CADM1: variants seen among roughly 807,000 people sequenced by gnomAD.
CADM1 encodes TSLC-1.
Under a neutral mutation model 53.1 loss-of-function variants are expected in CADM1, and 15 were observed. The ratio of observed to expected loss-of-function variants is 0.28; its 90% CI spans 0.19 to 0.44. The LOEUF is 0.44. Among genes scored for constraint, CADM1 ranks in the 20% least tolerant of loss-of-function variants. The pLI is 1.00. For synonymous variants in CADM1, 281 were observed against 243.0 expected (o/e 1.16, Z -1.45); for missense variants, 434 against 611.3 (o/e 0.71, Z 3.06).
At chr11:115,419,496 T>A (rs1407940791) in intron 1 of CADM1, among the ~76,000 whole-genome samples, 1 of 152,230 alleles carries the variant, frequency 6.6e-6, no homozygotes, top group Non-Finnish European at 1.5e-5. Context: ...TTTGAGTCTT[T>A]AAGTTCAAAC....
chr11:115,465,329 T>C (rs759718818), intron 1 of CADM1, among the ~76,000 whole-genome samples: 10 of 152,124 alleles, frequency 6.6e-5, no homozygotes, highest in Non-Finnish European at 1.3e-4. Flanking sequence ...ATATCCTAGA[T>C]CCAAAAAGCT....
intron 1 of CADM1, among the ~76,000 whole-genome samples, chr11:115,430,334 A>G (rs1429192798): frequency 6.6e-6 from 1 of 152,198 alleles, no homozygotes; most frequent in Admixed American, 6.5e-5. Flanking sequence ...ATCTTTATTT[A>G]TTTAAGATTT....
At chr11:115,323,456 G>C (rs1420122408) in intron 1 of CADM1, among the ~76,000 whole-genome samples, 3 of 152,088 alleles carry the variant, frequency 2.0e-5, no homozygotes, top group African/African-American at 7.2e-5. Context: ...GTGGGGTGCA[G>C]GGAAAGTAGA....
At chr11:115,211,430 C>T (rs1428472014) in intron 7 of CADM1, among the ~76,000 whole-genome samples, 1 of 145,356 alleles carries the variant, frequency 6.9e-6, no homozygotes, top group Non-Finnish European at 1.5e-5. Context: ...TGAAAAGGAA[C>T]ATTTGTTCCT....
intron 1 of CADM1, among the ~76,000 whole-genome samples, chr11:115,367,843 A>G (rs559253380): frequency 1.3e-5 from 2 of 152,134 alleles, no homozygotes; most frequent in African/African-American, 4.8e-5. Flanking sequence ...TGAATCCTGA[A>G]TATAAGATGA....
In CADM1 at chr11:115,244,933, C is replaced by T. The variant is rs1057448113; in HGVS notation, c.125-4513G>A. On this transcript the variant is annotated intron_variant, in intron 1 of 11. Coordinates refer to ENST00000331581, the MANE Select transcript of CADM1 (RefSeq NM_001301043.2). ...GAAAGCCTTTATTACCAGTGCATGG[C>T]GGCCTTTTGCCAGCACCACAAGCTC... 5.3e-5 allele frequency among the ~76,000 whole-genome samples: 8 copies of T among 152,192 alleles called. No homozygotes were observed. In the East Asian group the frequency reaches 5.8e-4, roughly 11 times the overall value.
chr11:115,279,278 G>GTAT (rs1943525152), intron 1 of CADM1, among the ~76,000 whole-genome samples: 1 of 152,050 alleles, frequency 6.6e-6, no homozygotes, highest in South Asian at 2.1e-4. Context: ...GGATTTGGGG[G>GTAT]TATAGTCAAT....
chr11:115,413,154 T>A (rs1344287494), intron 1 of CADM1, among the ~76,000 whole-genome samples: 1 of 152,216 alleles, frequency 6.6e-6, no homozygotes, highest in African/African-American at 2.4e-5. Flanking sequence ...AGAGAGGGTG[T>A]GCATAAGAAG....
intron 3 of CADM1, among the ~76,000 whole-genome samples, chr11:115,237,880 G>A (rs1217396636): frequency 1.6e-4 from 24 of 152,182 alleles, no homozygotes. Context: ...CTCACTGGAG[G>A]TGTACCTAGC....
chr11:115,439,048 G>C (rs1480766179), intron 1 of CADM1, among the ~76,000 whole-genome samples: 1 of 152,130 alleles, frequency 6.6e-6, no homozygotes, highest in African/African-American at 2.4e-5. Context: ...GGGTGCACTG[G>C]GTCTTCTACC....
chr11:115,465,070 G>A (rs1948870298), intron 1 of CADM1, among the ~76,000 whole-genome samples: 1 of 152,130 alleles, frequency 6.6e-6, no homozygotes, highest in Non-Finnish European at 1.5e-5. Context: ...ATGCTAATGA[G>A]GAAGCTGAAA....
intron 1 of CADM1, among the ~76,000 whole-genome samples, chr11:115,314,096 A>C (rs1944596604): frequency 6.6e-6 from 1 of 152,134 alleles, no homozygotes; most frequent in Non-Finnish European, 1.5e-5. Context: ...ATGCATCTTC[A>C]AGGTCAACAA....
At chr11:115,383,708 A>C (rs1448441816) in intron 1 of CADM1, among the ~76,000 whole-genome samples, 1 of 152,186 alleles carries the variant, frequency 6.6e-6, no homozygotes, top group Non-Finnish European at 1.5e-5. Context: ...AAAAGTTTAT[A>C]AAAATTGGGT....
intron 1 of CADM1, among the ~76,000 whole-genome samples, chr11:115,340,640 ATATATATATATATATATAT>A (rs1411089120): frequency 3.4e-5 from 1 of 29,808 alleles, no homozygotes; most frequent in African/African-American, 1.2e-4. Context: ...ATATATATAT[ATATATATATATATATATAT>A]TTTTTTTTTT....
At chr11:115,365,001 G>A (rs765009308) in intron 1 of CADM1, among the ~76,000 whole-genome samples, 5 of 152,166 alleles carry the variant, frequency 3.3e-5, no homozygotes, top group South Asian at 2.1e-4. Flanking sequence ...ATGGAAAAAC[G>A]TGACAGGCTT....
At chr11:115,433,549 A>T (rs1293787995) in intron 1 of CADM1, among the ~76,000 whole-genome samples, 1 of 152,224 alleles carries the variant, frequency 6.6e-6, no homozygotes, top group African/African-American at 2.4e-5. Context: ...GCTGGATGAA[A>T]AGGAGCCCAA....
intron 1 of CADM1, among the ~76,000 whole-genome samples, chr11:115,292,545 A>C (rs953590335): frequency 6.6e-6 from 1 of 152,234 alleles, no homozygotes; most frequent in Admixed American, 6.5e-5. Flanking sequence ...AGAACATTTC[A>C]AATTAGTAAT....
intron 10 of CADM1, among the ~76,000 whole-genome samples, chr11:115,184,573 T>C (rs1220934356): frequency 6.6e-6 from 1 of 152,186 alleles, no homozygotes. Flanking sequence ...CAGCATAACC[T>C]TTCTTTTCTG....
intron 5 of CADM1, among the ~76,000 whole-genome samples, chr11:115,218,567 G>C (rs1321674519): frequency 2.0e-5 from 3 of 152,110 alleles, no homozygotes; most frequent in African/African-American, 7.2e-5. Flanking sequence ...CATTTACTCA[G>C]CATCTACTCC....
Sources: allele counts gnomAD v4.1 joint callset (sites outside exome capture counted in the v4.1 genomes callset), GRCh38; gene constraint gnomAD v4.1.1; transcripts MANE v1.5; gene names NCBI Gene and HGNC (gene_info 2026-07-23, HGNC 2026-07-21).